Variants in ADAM30 observed in about 807,000 individuals in gnomAD.
ADAM30 encodes the protein ADAM metallopeptidase domain 30, also known as disintegrin and metalloproteinase domain-containing protein 30.
For synonymous variants in ADAM30, 382 were observed against 340.9 expected, an observed-to-expected ratio of 1.12 and a Z score of -1.33; for missense variants, 960 against 959.4, an observed-to-expected ratio of 1.00 and a Z score of -0.01.
chr1:119,896,063 A>C lies in ADAM30; in HGVS notation c.274T>G (p.Ser92Ala). The change falls in exon 1 of 1, where the codon TCC (serine) becomes GCC (alanine). Residue 92 changes from serine to alanine, a missense_variant. By Grantham distance (99) the Ser-to-Ala change is moderately conservative (BLOSUM62 1). Coordinates refer to ENST00000369400, the MANE Select transcript of ADAM30 (RefSeq NM_021794.4). ...AGCAGTTCCCCATGTTCTGTGAAGG[A>C]GAAAACGCGCAGATGTCGGGGCAAC... The part of the protein sequence containing the change: ...LLLPRHLRVF[S>A]FTEHGELLED... 7.4e-6 allele frequency: 12 copies of C among 1,614,162 alleles called. No individual in the cohort carries two copies. Among genetic ancestry groups the C allele is most frequent in the Non-Finnish European group, 1.0e-5 (12 of 1,180,036 alleles).
In ADAM30 at chr1:119,895,055, G is replaced by A. The variant is rs140489804; in HGVS notation, c.1282C>T (p.Gln428Ter). The A allele has an allele frequency of 2.2e-5, 36 of 1,614,006 alleles. No homozygotes were observed. In the African/African-American group the frequency reaches 4.3e-4, roughly 19 times the overall value. ...TEECQKDRCC[Q>*]SNCKLQPGAN... ...CCTGGTTGCAACTTACAATTTGATT[G>A]GCAACACCGATCTTTCTGACACTCC... Residue 428 changes from glutamine to a stop codon, truncating the protein, a stop_gained, in exon 1 of 1, where the codon CAA (glutamine) becomes TAA (stop). Transcript: ENST00000369400. LOFTEE classifies it low-confidence loss of function (END_TRUNC).
In ADAM30 at chr1:119,894,761, C is replaced by T; in HGVS notation, c.1576G>A (p.Val526Ile). Residue 526 changes from valine (V) to isoleucine (I), a missense_variant, in exon 1 of 1, where the codon GTT (valine) becomes ATT (isoleucine). By Grantham distance (29) the Val-to-Ile change is conservative. Transcript: ENST00000369400. ...CCAAATTGATCACCTATTAAGTTAACTGCATCATAGCACTCACTAGGAGCC... is the reference window on the plus strand; with the variant it reads ...CCAAATTGATCACCTATTAAGTTAATTGCATCATAGCACTCACTAGGAGCC... Reference protein sequence around the residue: ...MEAPSECYDAVNLIGDQFGNC... With the variant: ...MEAPSECYDAINLIGDQFGNC... The T allele has an allele frequency of 6.2e-7, 1 of 1,614,232 alleles. No individual in the cohort carries two copies.
Position 119,896,352 on chromosome 1 carries a change from C to T in ADAM30, c.-16G>A, listed in dbSNP as rs41277616. 4.1e-4 allele frequency: 631 copies of T among 1,527,294 alleles called. 1 individual carries two copies. The highest frequency in any genetic ancestry group is 5.4e-4 in the Non-Finnish European group (610 of 1,137,502). 94.6% of individuals were successfully genotyped at this position (1,527,294 alleles called of 1,614,324 possible). On this transcript the variant is annotated 5_prime_UTR_variant, in exon 1 of 1. Coordinates refer to ENST00000369400, the MANE Select transcript of ADAM30 (RefSeq NM_021794.4). ...CTGACCTCATGGTCTGTTCCCTACT[C>T]AGCCTCAGTTTGCTATTCAGTCCCT...
In ADAM30 at chr1:119,896,298, C is replaced by G; in HGVS notation, c.39G>C (p.Leu13Phe). The G allele has an allele frequency of 6.2e-7, 1 of 1,603,634 alleles. No homozygotes were observed. Among genetic ancestry groups the G allele is most frequent in the Non-Finnish European group, 8.5e-7 (1 of 1,174,642 alleles). Residue 13 changes from leucine (L) to phenylalanine (F), a missense_variant, in exon 1 of 1, where the codon TTG (leucine) becomes TTC (phenylalanine). By Grantham distance (22) the Leu-to-Phe change is conservative. Coordinates refer to ENST00000369400, the MANE Select transcript of ADAM30 (RefSeq NM_021794.4). ...GCATTGTCGGAACTAGTAGAAGGAG[C>G]AAACGGCATTGGGAGAGGAAGATCT... ...SVQIFLSQCR[L>F]LLLLVPTMLL...
chr1:119,896,475 T>G lies in ADAM30; in HGVS notation c.-139A>C. 1 of 1,353,240 alleles carries G rather than the reference T, an allele frequency of 7.4e-7. No homozygotes were observed. Among genetic ancestry groups the G allele is most frequent in the Non-Finnish European group, 9.7e-7 (1 of 1,033,238 alleles). The allele number at this position is 1,353,240 out of a possible 1,614,324, so 83.8% of individuals were successfully genotyped here. A position where few individuals can be genotyped will look rare whatever the true frequency, so the allele number is the denominator to read the frequency against. ...CTGGCAGGGTTTCCGGGGGAGCCCGTAGCCTCCCAGGGCTCGGTCTAGCTG... is the reference window on the plus strand; with the variant it reads ...CTGGCAGGGTTTCCGGGGGAGCCCGGAGCCTCCCAGGGCTCGGTCTAGCTG... On this transcript the variant is annotated 5_prime_UTR_variant, in exon 1 of 1. Coordinates refer to ENST00000369400, the MANE Select transcript of ADAM30 (RefSeq NM_021794.4).
Position 119,894,588 on chromosome 1 carries a change from A to T in ADAM30, c.1749T>A (p.Asn583Lys), listed in dbSNP as rs756628376. 1 of 1,614,046 alleles carries T rather than the reference A, an allele frequency of 6.2e-7. No homozygotes were observed. Among genetic ancestry groups the T allele is most frequent in the Admixed American group, 1.7e-5 (1 of 60,018 alleles). The stretch of plus-strand genomic sequence containing the variant: ...GATAGCCTGTGCCCCAGCACATGAG[A>T]TTTTCTGCCTGTAAATGAGTAGAAA... ...TIISTHLQAENLMCWGTGYHL... is the reference protein window; with the variant it reads ...TIISTHLQAEKLMCWGTGYHL... The change falls in exon 1 of 1, where the codon AAT (asparagine) becomes AAA (lysine). Residue 583 changes from asparagine to lysine, a missense_variant. By Grantham distance (94) the Asn-to-Lys change is moderately conservative. Coordinates refer to ENST00000369400, the MANE Select transcript of ADAM30 (RefSeq NM_021794.4).
At position 119,896,457 on chromosome 1, in the gene ADAM30, G is replaced by A. The variant is rs1648593264; in HGVS notation, c.-121C>T. Reference sequence around the variant, plus strand: ...GCTCAAAACCCGGCTCCCCTGGCAGGGTTTCCGGGGGAGCCCGTAGCCTCC... The same window carrying A: ...GCTCAAAACCCGGCTCCCCTGGCAGAGTTTCCGGGGGAGCCCGTAGCCTCC... On this transcript the variant is annotated 5_prime_UTR_variant, in exon 1 of 1. Transcript: ENST00000369400. The A allele has an allele frequency of 1.4e-6, 2 of 1,407,188 alleles. No individual in the cohort carries two copies. Among genetic ancestry groups the A allele is most frequent in the African/African-American group, 1.4e-5 (1 of 69,168 alleles). 87.2% of individuals were successfully genotyped at this position (1,407,188 alleles called of 1,614,324 possible).
At position 119,893,690 on chromosome 1, in the gene ADAM30, C is replaced by A; in HGVS notation, c.*274G>T. The A allele has an allele frequency of 2.0e-6, 1 of 500,914 alleles. No individual in the cohort carries two copies. Among genetic ancestry groups the A allele is most frequent in the Non-Finnish European group, 3.3e-6 (1 of 299,114 alleles). 31.0% of individuals were successfully genotyped at this position (500,914 alleles called of 1,614,324 possible). ...AATAGCATGGTAATTCTAGGAAACT[C>A]ACTACTTTCAGAGCTTTAGTGTATG... On this transcript the variant is annotated 3_prime_UTR_variant, in exon 1 of 1. Transcript: ENST00000369400.
rs199615284 is a variant in ADAM30 at position 119,894,558 on chromosome 1, T to C, written c.1779A>G (p.Leu593=). Residue 593 remains leucine (L), a synonymous_variant, in exon 1 of 1, where the codon CTA becomes CTG. Coordinates refer to ENST00000369400, the MANE Select transcript of ADAM30 (RefSeq NM_021794.4). ...NLMCWGTGYH[L]SMKPMGIPDL... is the part of the protein sequence containing the mutation. ...CAGGTATTCCCATGGGTTTCATGGA[T>C]AGATGATAGCCTGTGCCCCAGCACA... The C allele has an allele frequency of 6.2e-7, 1 of 1,614,094 alleles. No individual in the cohort carries two copies. The highest frequency in any genetic ancestry group is 2.2e-5 in the East Asian group (1 of 44,890).
In ADAM30 at chr1:119,893,607, G is replaced by A. The variant is rs1648483235; in HGVS notation, c.*357C>T. On this transcript the variant is annotated 3_prime_UTR_variant, in exon 1 of 1. Transcript: ENST00000369400. ...CATGGATCAAGTTGAGGGAGGCAGA[G>A]GGAGAGGCAGACAATTGCTTTGTTC... The A allele has an allele frequency of 3.9e-6, 1 of 259,004 alleles. No individual in the cohort carries two copies. The highest frequency in any genetic ancestry group is 7.3e-6 in the Non-Finnish European group (1 of 137,678). 16.0% of individuals were successfully genotyped at this position (259,004 alleles called of 1,614,324 possible).
In ADAM30 at chr1:119,895,996, C is replaced by T. The variant is rs1648575373; in HGVS notation, c.341G>A (p.Gly114Asp). The T allele has an allele frequency of 5.6e-6, 9 of 1,614,012 alleles. No homozygotes were observed. In the Middle Eastern group the frequency reaches 4.9e-4, roughly 88 times the overall value. ...PYIPKDCNYM[G>D]SVKESLDSKA... Reference sequence around the variant, plus strand: ...AGAGTCCAGAGACTCTTTCACGGAGCCCATGTAGTTGCAGTCCTTTGGTAT... The same window carrying T: ...AGAGTCCAGAGACTCTTTCACGGAGTCCATGTAGTTGCAGTCCTTTGGTAT... The change falls in exon 1 of 1, where the codon GGC becomes GAC. Residue 114 changes from glycine (G) to aspartate (D), a missense_variant. Transcript: ENST00000369400.
In ADAM30 at chr1:119,896,345, C is replaced by CAACAGA. The variant is rs1648590063; in HGVS notation, c.-10_-9insTCTGTT. The stretch of plus-strand genomic sequence containing the variant: ...ATCTGCACTGACCTCATGGTCTGTT[C>CAACAGA]CCTACTCAGCCTCAGTTTGCTATTC... On this transcript the variant is annotated 5_prime_UTR_variant, in exon 1 of 1. Coordinates refer to ENST00000369400, the MANE Select transcript of ADAM30 (RefSeq NM_021794.4). 6.5e-7 allele frequency: 1 copy of CAACAGA among 1,533,866 alleles called. No homozygotes were observed. The highest frequency in any genetic ancestry group is 2.1e-5 in the Admixed American group (1 of 48,710).
chr1:119,895,556 T>G lies in ADAM30; in HGVS notation c.781A>C (p.Lys261Gln), dbSNP rs770538963. ...AACTCTGGATATCCAACGCGTATTT[T>G]GTTAAAATCTGTCCATACTTCAAGA... is the stretch of plus-strand genomic sequence containing the variant. Reference protein sequence around the residue: ...KALEVWTDFNKIRVGYPELAE... With the variant: ...KALEVWTDFNQIRVGYPELAE... Residue 261 changes from lysine (K) to glutamine (Q), a missense_variant, in exon 1 of 1, where the codon AAA (lysine) becomes CAA (glutamine). Coordinates refer to ENST00000369400, the MANE Select transcript of ADAM30 (RefSeq NM_021794.4). 1 of 1,613,886 alleles carries G rather than the reference T, an allele frequency of 6.2e-7. No individual in the cohort carries two copies. Among genetic ancestry groups the G allele is most frequent in the Non-Finnish European group, 8.5e-7 (1 of 1,180,030 alleles).
chr1:119,895,798 T>A lies in ADAM30; in HGVS notation c.539A>T (p.Glu180Val). The part of the protein sequence containing the change: ...QVCGLSDDEI[E>V]WQMAPYENKA... ...ATTCTCATAAGGGGCCATCTGCCAT[T>A]CTATTTCATCATCACTTAAGCCACA... is the stretch of plus-strand genomic sequence containing the variant. The change falls in exon 1 of 1, where the codon GAA (glutamate) becomes GTA (valine). Residue 180 changes from glutamate to valine, a missense_variant. Physicochemically the swap from Glu to Val is moderately radical, Grantham distance 121. Transcript: ENST00000369400. 6.2e-7 allele frequency: 1 copy of A among 1,614,218 alleles called. No homozygotes were observed. The highest frequency in any genetic ancestry group is 8.5e-7 in the Non-Finnish European group (1 of 1,180,040).
rs781462107 is a variant in ADAM30, at chr1:119,894,507, G to A, written c.1830C>T (p.Thr610=). ...IPDLGMINDG[T]SCGEGRVCFK... is the part of the protein sequence containing the mutation. The stretch of plus-strand genomic sequence containing the variant: ...AACATACCCGGCCTTCTCCACAGGA[G>A]GTGCCATCATTTATCATACCTAGGT... The change falls in exon 1 of 1, where the codon ACC becomes ACT. Residue 610 remains threonine, a synonymous_variant. Transcript: ENST00000369400. The A allele has an allele frequency of 6.2e-7, 1 of 1,614,022 alleles. No homozygotes were observed. Among genetic ancestry groups the A allele is most frequent in the East Asian group, 2.2e-5 (1 of 44,878 alleles).
At position 119,893,880 on chromosome 1, in the gene ADAM30, G is replaced by A; in HGVS notation, c.*84C>T. On this transcript the variant is annotated 3_prime_UTR_variant, in exon 1 of 1. Coordinates refer to ENST00000369400, the MANE Select transcript of ADAM30 (RefSeq NM_021794.4). ...GAAAAATTAAAGTAAAAAAATATTG[G>A]GAGAAGAATGGAAAGCCTTTGGATA... 1 of 1,517,816 alleles carries A rather than the reference G, an allele frequency of 6.6e-7. No individual in the cohort carries two copies. The highest frequency in any genetic ancestry group is 8.8e-7 in the Non-Finnish European group (1 of 1,139,910). 94.0% of individuals were successfully genotyped at this position (1,517,816 alleles called of 1,614,324 possible). A position where few individuals can be genotyped will look rare whatever the true frequency, so the allele number is the denominator to read the frequency against.
At position 119,896,215 on chromosome 1, in the gene ADAM30, T is replaced by C. The variant is rs751639176; in HGVS notation, c.122A>G (p.Tyr41Cys). 7 of 1,614,206 alleles carry C rather than the reference T, an allele frequency of 4.3e-6. No homozygotes were observed. The highest frequency in any genetic ancestry group is 1.1e-5 in the South Asian group (1 of 91,082). The change falls in exon 1 of 1, where the codon TAT becomes TGT. Residue 41 changes from tyrosine (Y) to cysteine (C), a missense_variant. By Grantham distance (194) the Tyr-to-Cys change is radical (BLOSUM62 -2). Transcript: ENST00000369400. The stretch of plus-strand genomic sequence containing the variant: ...CAGCTTCTCAGGAATGGTGACTTCA[T>C]ACGAGTCAAACTCCCCTTCAGGGTG... ...IFHPEGEFDSYEVTIPEKLSF... is the reference protein window; with the variant it reads ...IFHPEGEFDSCEVTIPEKLSF...
Position 119,896,129 on chromosome 1 carries a change from CTT to C in ADAM30, c.206_207del (p.Lys69ArgfsTer54), listed in dbSNP as rs1310474644. ...CACAAATGGAGGACGTGCTTCTTGC[CTT>C]TTAACTGCAGTAGGTAGGACACGGG... The part of the protein sequence containing the change: ...VSPVSYLLQL[K>X]GKKHVLHLWP... On this transcript the variant is annotated frameshift_variant, in exon 1 of 1. Transcript: ENST00000369400. LOFTEE classifies it low-confidence loss of function (END_TRUNC). 6.2e-7 allele frequency: 1 copy of C among 1,614,090 alleles called. No individual in the cohort carries two copies. Among genetic ancestry groups the C allele is most frequent in the Admixed American group, 1.7e-5 (1 of 60,018 alleles).
rs1310474644 is a variant in ADAM30, at chr1:119,896,129, CT to C, written c.207del (p.Gly70AlafsTer47). 4 of 1,613,972 alleles carry C rather than the reference CT, an allele frequency of 2.5e-6. No homozygotes were observed. The highest frequency in any genetic ancestry group is 2.5e-6 in the Non-Finnish European group (3 of 1,179,984). On this transcript the variant is annotated frameshift_variant, in exon 1 of 1. Transcript: ENST00000369400. LOFTEE classifies it low-confidence loss of function (END_TRUNC). ...CACAAATGGAGGACGTGCTTCTTGC[CT>C]TTTAACTGCAGTAGGTAGGACACGG... ...VSPVSYLLQL[K>X]GKKHVLHLWP...
Sources: gnomAD v4.1 joint callset for allele counts on GRCh38, gnomAD v4.1.1 for gene constraint, MANE v1.5 for transcripts, NCBI Gene and HGNC (gene_info 2026-07-23, HGNC 2026-07-21) for gene names.